The following KCNH7 variants were observed in gnomAD, a reference collection of about 807,000 sequenced individuals.
KCNH7 encodes potassium voltage-gated channel subfamily H member 7, also known as voltage-gated inwardly rectifying potassium channel KCNH7.
KCNH7 carries 49 observed loss-of-function variants against 120.8 expected under a neutral mutation model. The observed-to-expected ratio is 0.41, with a 90% confidence interval of 0.32 to 0.51. The LOEUF (loss-of-function observed/expected upper bound fraction) is 0.51. KCNH7 is among the 20% of genes least tolerant of loss of function. KCNH7 has a pLI of 0.38. For synonymous variants in KCNH7, 547 were observed against 516.1 expected (o/e 1.06, Z -0.81); for missense variants, 1,097 against 1,446.6 (o/e 0.76, Z 3.92).
chr2:162,461,380 T>A (rs775893167), intron 6 of KCNH7, among the ~76,000 whole-genome samples: 1 of 152,248 alleles, frequency 6.6e-6, no homozygotes, highest in Non-Finnish European at 1.5e-5. Context: ...CTGTGAACTA[T>A]GTAAGATAAC....
chr2:162,505,962 G>A (rs1690867284), intron 5 of KCNH7, among the ~76,000 whole-genome samples: 1 of 151,798 alleles, frequency 6.6e-6, no homozygotes, highest in Non-Finnish European at 1.5e-5. Context: ...TCATCATTTT[G>A]TTCATAGTCA....
At position 162,435,600 on chromosome 2, in the gene KCNH7, G is replaced by A; in HGVS notation, c.1555-3C>T. The A allele has an allele frequency of 1.3e-6, 2 of 1,575,078 alleles. No individual in the cohort carries two copies. Among genetic ancestry groups the A allele is most frequent in the South Asian group, 1.2e-5 (1 of 86,394 alleles). ...AAAAGACCAATTAATGTTGTTGTCT[G>A]TAGAAATAAATGTACACAGTCAGAA... On this transcript the variant is annotated splice_polypyrimidine_tract_variant and splice_region_variant and intron_variant, in intron 7 of 15. Transcript: ENST00000332142.
chr2:162,456,093 T>G (rs1688953084), intron 6 of KCNH7, among the ~76,000 whole-genome samples: 1 of 152,146 alleles, frequency 6.6e-6, no homozygotes, highest in African/African-American at 2.4e-5. Context: ...AATTTCCCTC[T>G]TAACACTGTT....
At chr2:162,535,185 G>A (rs578182926) in intron 3 of KCNH7, among the ~76,000 whole-genome samples, 1 of 151,710 alleles carries the variant, frequency 6.6e-6, no homozygotes, top group Non-Finnish European at 1.5e-5. Context: ...GAGCCAGGGC[G>A]TAGTGTTCAC....
At chr2:162,398,403 T>G (rs1311018677) in intron 10 of KCNH7, among the ~76,000 whole-genome samples, 1 of 151,900 alleles carries the variant, frequency 6.6e-6, no homozygotes. Flanking sequence ...AAGGATACAT[T>G]AACCACAGTT....
chr2:162,482,982 G>C (rs887464653), intron 6 of KCNH7, among the ~76,000 whole-genome samples: 1 of 152,092 alleles, frequency 6.6e-6, no homozygotes, highest in Non-Finnish European at 1.5e-5. Context: ...TTATGCACCA[G>C]TAATTATATT....
chr2:162,838,091 G>A (rs543392565), intron 1 of KCNH7, among the ~76,000 whole-genome samples: 1 of 152,240 alleles, frequency 6.6e-6, no homozygotes, highest in East Asian at 1.9e-4. Context: ...CTCTGCTTCC[G>A]ACTTTCAGAA....
chr2:162,587,544 C>A (rs1195406815), intron 2 of KCNH7, among the ~76,000 whole-genome samples: 1 of 152,008 alleles, frequency 6.6e-6, no homozygotes, highest in Non-Finnish European at 1.5e-5. Context: ...TATAAGATAG[C>A]AGAAGCAGCA....
At chr2:162,602,646 TC>T in intron 2 of KCNH7, among the ~76,000 whole-genome samples, 1 of 152,152 alleles carries the variant, frequency 6.6e-6, no homozygotes, top group Admixed American at 6.6e-5. Context: ...CAAAAGAACC[TC>T]CCTAACGACT....
intron 2 of KCNH7, among the ~76,000 whole-genome samples, chr2:162,567,412 G>A (rs185479252): frequency 5.3e-5 from 8 of 151,958 alleles, no homozygotes; most frequent in East Asian, 1.9e-4. Flanking sequence ...TGAGAATAGC[G>A]GATGTTACCA....
rs775041542 is a variant in KCNH7, at chr2:162,389,998, C to A, written c.2710+4391G>T. On this transcript the variant is annotated intron_variant, in intron 12 of 15. Coordinates refer to ENST00000332142, the MANE Select transcript of KCNH7 (RefSeq NM_033272.4). The stretch of plus-strand genomic sequence containing the variant: ...ACATGAAAAAACTCAGGGCACTTAG[C>A]ACACAGTGGGTACTCAATGACAATG... 7.1e-4 allele frequency among the ~76,000 whole-genome samples: 108 copies of A among 151,902 alleles called. 1 individual carries two copies. Among genetic ancestry groups the A allele is most frequent in the Non-Finnish European group, 4.4e-4 (30 of 67,934 alleles).
chr2:162,760,852 A>G (rs1175495469), intron 2 of KCNH7, among the ~76,000 whole-genome samples: 1 of 152,156 alleles, frequency 6.6e-6, no homozygotes, highest in Non-Finnish European at 1.5e-5. Context: ...ATTTCTCTAG[A>G]TAATGCATTC....
At chr2:162,644,289 T>C (rs1311692353) in intron 2 of KCNH7, among the ~76,000 whole-genome samples, 2 of 152,194 alleles carry the variant, frequency 1.3e-5, no homozygotes, top group Non-Finnish European at 2.9e-5. Flanking sequence ...GTGGTGTGTC[T>C]TTTTAGTACA....
At chr2:162,530,830 G>C (rs1455000568) in intron 3 of KCNH7, among the ~76,000 whole-genome samples, 1 of 151,738 alleles carries the variant, frequency 6.6e-6, no homozygotes, top group African/African-American at 2.4e-5. Flanking sequence ...AAATCAGCAG[G>C]GGTTTGCCAA....
chr2:162,515,522 C>G (rs191122370), intron 4 of KCNH7, among the ~76,000 whole-genome samples: 1 of 151,866 alleles, frequency 6.6e-6, no homozygotes, highest in East Asian at 2.0e-4. Context: ...AAGTCAGGAT[C>G]TCTCTAGGGA....
chr2:162,830,460 G>A (rs1685439521), intron 2 of KCNH7, among the ~76,000 whole-genome samples: 1 of 152,048 alleles, frequency 6.6e-6, no homozygotes, highest in African/African-American at 2.4e-5. Context: ...CACTCAATAA[G>A]CCTAACAACA....
intron 2 of KCNH7, among the ~76,000 whole-genome samples, chr2:162,738,123 T>C (rs1471407526): frequency 6.7e-6 from 1 of 150,364 alleles, no homozygotes; most frequent in African/African-American, 2.4e-5. Flanking sequence ...TACTTTTTGC[T>C]ACAACAAGAT....
intron 3 of KCNH7, among the ~76,000 whole-genome samples, chr2:162,535,161 T>C (rs1017141241): frequency 1.3e-5 from 2 of 151,724 alleles, no homozygotes; most frequent in Non-Finnish European, 3.0e-5. Flanking sequence ...TTAAAGGCAC[T>C]CGCACAACAA....
intron 6 of KCNH7, among the ~76,000 whole-genome samples, chr2:162,456,892 T>C (rs1160549169): frequency 6.6e-6 from 1 of 152,106 alleles, no homozygotes; most frequent in African/African-American, 2.4e-5. Flanking sequence ...TCTTTCCTTT[T>C]TTAATAAGAC....
Sources: gnomAD v4.1 joint callset for allele counts (sites outside exome capture counted in the v4.1 genomes callset) on GRCh38, gnomAD v4.1.1 for gene constraint, MANE v1.5 for transcripts, NCBI Gene and HGNC (gene_info 2026-07-23, HGNC 2026-07-21) for gene names.